The following PDE4D variants were observed in gnomAD, a reference collection of about 807,000 sequenced individuals.
PDE4D encodes the protein phosphodiesterase 4D, also known as 3',5'-cyclic-AMP phosphodiesterase 4D.
Under a neutral mutation model 87.4 loss-of-function variants are expected in PDE4D, and 24 were observed. The ratio of observed to expected loss-of-function variants is 0.27; its 90% confidence interval spans 0.20 to 0.39. The LOEUF (loss-of-function observed/expected upper bound fraction) is 0.39, where lower values mean the gene tolerates loss of function less well. PDE4D is among the 10% of genes least tolerant of loss of function. The pLI, the probability that PDE4D is intolerant of heterozygous loss-of-function variation, is 1.00. For missense variants in PDE4D, 714 were observed against 1,041.0 expected (o/e 0.69, Z 4.32); for synonymous variants, 384 against 383.2 (o/e 1.00, Z -0.02).
chr5:59,679,132 A>G (rs771504227), intron 1 of PDE4D, among the ~76,000 whole-genome samples: 1 of 152,184 alleles, frequency 6.6e-6, no homozygotes, highest in Non-Finnish European at 1.5e-5. Context: ...AACTCATGAT[A>G]TGTATTACAC....
intron 6 of PDE4D, among the ~76,000 whole-genome samples, chr5:59,030,422 CAAAAA>C (rs373275661): frequency 5.1e-5 from 3 of 58,300 alleles, no homozygotes; most frequent in Non-Finnish European, 9.4e-5. Context: ...AACAGAGATA[CAAAAA>C]AAAAAAAAAA....
chr5:60,340,623 A>C (rs920972975), intron 1 of PDE4D, among the ~76,000 whole-genome samples: 10 of 146,432 alleles, frequency 6.8e-5, no homozygotes, highest in African/African-American at 2.0e-4. Flanking sequence ...AAAAAAAAAA[A>C]AAACCACAAG....
chr5:59,914,563 T>C (rs1379494129), intron 3 of PDE4D, among the ~76,000 whole-genome samples: 4 of 142,844 alleles, frequency 2.8e-5, no homozygotes, highest in Admixed American at 1.4e-4. Flanking sequence ...TGTGTGTGTG[T>C]GCATGTGCGT....
At chr5:59,933,187 G>T (rs1233706923) in intron 3 of PDE4D, among the ~76,000 whole-genome samples, 1 of 152,202 alleles carries the variant, frequency 6.6e-6, no homozygotes, top group Non-Finnish European at 1.5e-5. Context: ...CAGTGGATTT[G>T]ATTGCTAGCA....
chr5:60,152,007 C>T (rs1489163862), intron 2 of PDE4D, among the ~76,000 whole-genome samples: 1 of 152,048 alleles, frequency 6.6e-6, no homozygotes, highest in East Asian at 1.9e-4. Context: ...TTAAGATGAT[C>T]ATGTTATTTT....
intron 1 of PDE4D, among the ~76,000 whole-genome samples, chr5:60,468,349 G>C (rs1448201909): frequency 5.9e-5 from 9 of 151,906 alleles, no homozygotes; most frequent in African/African-American, 1.5e-4. Flanking sequence ...ATGTTGCCCA[G>C]GATGGTCTTG....
In PDE4D at chr5:58,970,130, T is replaced by A. The variant is rs1441558860; in HGVS notation, c.*4534A>T. 1 of 152,166 alleles carries A rather than the reference T, an allele frequency of 6.6e-6. No homozygotes were observed. The highest frequency in any genetic ancestry group is 2.4e-5 in the African/African-American group (1 of 41,454). 9.4% of individuals were successfully genotyped at this position (152,166 alleles called of 1,614,324 possible). A position where few individuals can be genotyped will look rare whatever the true frequency, so the allele number is the denominator to read the frequency against. ...CATATAAAAATTTCATATGAAGGTA[T>A]TGATGTACAGTACTATCCCCGTGGG... On this transcript the variant is annotated 3_prime_UTR_variant, in exon 15 of 15. Coordinates refer to ENST00000340635, the MANE Select transcript of PDE4D (RefSeq NM_001104631.2).
intron 1 of PDE4D, among the ~76,000 whole-genome samples, chr5:59,714,274 A>C (rs1187513435): frequency 5.3e-5 from 8 of 152,224 alleles, no homozygotes. Context: ...CAAGAGCAGC[A>C]ATTCCAGGAA....
chr5:59,449,802 C>T (rs1798875105), intron 1 of PDE4D, among the ~76,000 whole-genome samples: 1 of 151,968 alleles, frequency 6.6e-6, no homozygotes, highest in Non-Finnish European at 1.5e-5. Context: ...CTTTATGGTC[C>T]ACCCCCATTC....
intron 1 of PDE4D, among the ~76,000 whole-genome samples, chr5:59,516,532 T>C (rs944136968): frequency 3.3e-5 from 5 of 152,212 alleles, no homozygotes; most frequent in South Asian, 2.1e-4. Flanking sequence ...AAAAAGCTAC[T>C]TCTAATTTTT....
At chr5:59,380,405 A>AAAAAAG (rs1554148718) in intron 1 of PDE4D, among the ~76,000 whole-genome samples, 2 of 137,968 alleles carry the variant, frequency 1.4e-5, no homozygotes, top group Non-Finnish European at 3.1e-5. Flanking sequence ...AAAAAAAAAA[A>AAAAAAG]AGAGAGAGAA....
rs1542842 is a variant in PDE4D, at chr5:58,990,787, G to C, written c.1287+17C>G. 9,789 of 1,318,278 alleles carry C rather than the reference G, an allele frequency of 7.4e-3. 167 individuals carry two copies. The highest frequency in any genetic ancestry group is 0.058 in the African/African-American group (4,031 of 69,138). The allele number at this position is 1,318,278 out of a possible 1,614,324, so 81.7% of individuals were successfully genotyped here. A position where few individuals can be genotyped will look rare whatever the true frequency, so the allele number is the denominator to read the frequency against. ...GTTCCTAAATAAAATAAATGTAATA[G>C]AACTCAACCACCTTACCTGAAAAAT... On this transcript the variant is annotated intron_variant, in intron 9 of 14. Transcript: ENST00000340635.
chr5:59,688,339 T>A (rs924690186), intron 1 of PDE4D, among the ~76,000 whole-genome samples: 1 of 152,166 alleles, frequency 6.6e-6, no homozygotes, highest in African/African-American at 2.4e-5. Context: ...CCTCAGCAAA[T>A]GTTAAAGAAC....
At chr5:60,202,223 T>C (rs1741996702) in intron 1 of PDE4D, among the ~76,000 whole-genome samples, 1 of 152,216 alleles carries the variant, frequency 6.6e-6, no homozygotes, top group Admixed American at 6.5e-5. Context: ...TCACCCAGAC[T>C]GGAGTGCAGT....
At chr5:59,656,556 T>C (rs1744393657) in intron 1 of PDE4D, among the ~76,000 whole-genome samples, 1 of 152,190 alleles carries the variant, frequency 6.6e-6, no homozygotes. Context: ...GGAAAGAAAG[T>C]AGGGGTCCCT....
At chr5:59,748,879 G>A (rs949640245) in intron 1 of PDE4D, among the ~76,000 whole-genome samples, 5 of 152,170 alleles carry the variant, frequency 3.3e-5, no homozygotes, top group African/African-American at 1.2e-4. Context: ...TCTGCCAACA[G>A]CCAGTGTAAA....
At chr5:60,405,630 C>T (rs1406887462) in intron 1 of PDE4D, among the ~76,000 whole-genome samples, 1 of 152,194 alleles carries the variant, frequency 6.6e-6, no homozygotes, top group African/African-American at 2.4e-5. Context: ...CATTCAAATG[C>T]TTATGGTATT....
chr5:59,080,382 C>A (rs1473235534), intron 5 of PDE4D, among the ~76,000 whole-genome samples: 2 of 152,178 alleles, frequency 1.3e-5, no homozygotes, highest in South Asian at 4.1e-4. Flanking sequence ...GAATGGATGA[C>A]TACATAATGG....
rs1350537430 is a variant in PDE4D, at chr5:58,974,434, C to CTT, written c.*228_*229dup. 8.4e-6 allele frequency: 3 copies of CTT among 358,238 alleles called. No individual in the cohort carries two copies. Among genetic ancestry groups the CTT allele is most frequent in the Non-Finnish European group, 5.0e-6 (1 of 199,624 alleles). 22.2% of individuals were successfully genotyped at this position (358,238 alleles called of 1,614,324 possible). On this transcript the variant is annotated 3_prime_UTR_variant, in exon 15 of 15. Coordinates refer to ENST00000340635, the MANE Select transcript of PDE4D (RefSeq NM_001104631.2). ...TTTGTCAGCTCTACCAAGCTGAAAT[C>CTT]TTGTTAAAAACGCTGTTCGTGAAGA...
Sources: gnomAD v4.1 joint callset for allele counts (sites outside exome capture counted in the v4.1 genomes callset) on GRCh38, gnomAD v4.1.1 for gene constraint, MANE v1.5 for transcripts, NCBI Gene and HGNC (gene_info 2026-07-23, HGNC 2026-07-21) for gene names.